Variants in TUSC3 observed in about 807,000 individuals in gnomAD.
TUSC3 encodes the protein tumor suppressor candidate 3, also known as dolichyl-diphosphooligosaccharide--protein glycosyltransferase subunit TUSC3.
TUSC3 carries 45 observed loss-of-function variants against 44.8 expected under a neutral mutation model. The observed-to-expected ratio is 1.00, with a 90% CI of 0.79 to 1.29. TUSC3 has a LOEUF of 1.29. TUSC3 is among the 50% of genes most tolerant of loss of function. The probability of loss-of-function intolerance (pLI) is 0.00; values close to 1 mark genes in which losing one functional copy is unlikely to be tolerated. For synonymous variants in TUSC3, 212 were observed against 152.9 expected (o/e 1.39, Z -2.85); for missense variants, 519 against 437.9 (o/e 1.19, Z -1.65).
At chr8:15,472,839 A>G (rs973216667) in intron 1 of TUSC3, among the ~76,000 whole-genome samples, 3 of 152,236 alleles carry the variant, frequency 2.0e-5, no homozygotes, top group African/African-American at 7.2e-5. Context: ...CTTTGTGGAC[A>G]TAAAGAGAAT....
chr8:15,669,145 A>C (rs1807818083), intron 5 of TUSC3, among the ~76,000 whole-genome samples: 1 of 151,784 alleles, frequency 6.6e-6, no homozygotes, highest in Non-Finnish European at 1.5e-5. Flanking sequence ...ATAACACATC[A>C]CTATTAAGGT....
intron 1 of TUSC3, among the ~76,000 whole-genome samples, chr8:15,622,198 C>T (rs961727439): frequency 2.6e-5 from 4 of 152,108 alleles, no homozygotes; most frequent in Non-Finnish European, 5.9e-5. Flanking sequence ...CAGGCAGTTT[C>T]TTTGTCTTGT....
At chr8:15,610,748 A>G (rs1804727293) in intron 1 of TUSC3, among the ~76,000 whole-genome samples, 2 of 152,162 alleles carry the variant, frequency 1.3e-5, no homozygotes, top group Admixed American at 6.6e-5. Context: ...TTAGAGCGTA[A>G]AAGTTTTACA....
intron 8 of TUSC3, among the ~76,000 whole-genome samples, chr8:15,747,988 C>T (rs1184844459): frequency 6.6e-6 from 1 of 152,008 alleles, no homozygotes; most frequent in East Asian, 1.9e-4. Context: ...CTAATATAGC[C>T]AATGCTTCAT....
At chr8:15,555,668 G>A (rs2129138140) in intron 1 of TUSC3, among the ~76,000 whole-genome samples, 1 of 151,618 alleles carries the variant, frequency 6.6e-6, no homozygotes, top group African/African-American at 2.4e-5. Flanking sequence ...ATTTCCTGAT[G>A]TTTTGATATT....
At chr8:15,769,032 C>T (rs187742125), downstream of TUSC3, among the ~76,000 whole-genome samples, 24 of 152,236 alleles carry the variant, frequency 1.6e-4, no homozygotes, top group African/African-American at 5.1e-4. Flanking sequence ...TGCTATCCAT[C>T]AACCTGCCAT....
At chr8:15,783,139 A>G in the TUSC3 span, among the ~76,000 whole-genome samples, 2 of 152,184 alleles carry the variant, frequency 1.3e-5, no homozygotes, top group Non-Finnish European at 2.9e-5. Context: ...TTAGGAGTAA[A>G]TTTAACCAAT....
chr8:15,556,522 A>C (rs916998738), intron 1 of TUSC3, among the ~76,000 whole-genome samples: 19 of 150,748 alleles, frequency 1.3e-4, no homozygotes, highest in Non-Finnish European at 2.8e-4. Flanking sequence ...TATACCCAGT[A>C]ATGGGATGGC....
the TUSC3 span, among the ~76,000 whole-genome samples, chr8:15,827,669 C>T: frequency 6.6e-6 from 1 of 152,108 alleles, no homozygotes; most frequent in Non-Finnish European, 1.5e-5. Flanking sequence ...GATCTTTGGA[C>T]ACAGATGTTT....
At chr8:15,569,626 G>A (rs1802797916) in intron 1 of TUSC3, among the ~76,000 whole-genome samples, 1 of 152,194 alleles carries the variant, frequency 6.6e-6, no homozygotes, top group Non-Finnish European at 1.5e-5. Flanking sequence ...TAATTTTGCT[G>A]AGATGACAGG....
chr8:15,546,617 C>G (rs1298033852), intron 1 of TUSC3, among the ~76,000 whole-genome samples: 1 of 151,564 alleles, frequency 6.6e-6, no homozygotes. Flanking sequence ...CTCACTGCAA[C>G]CTCTGCCTCC....
the TUSC3 span, among the ~76,000 whole-genome samples, chr8:15,803,227 A>C: frequency 6.6e-6 from 1 of 152,156 alleles, no homozygotes; most frequent in Non-Finnish European, 1.5e-5. Context: ...CTTTCCGGCA[A>C]TGCAATTTTG....
chr8:15,734,777 G>A lies in TUSC3; in HGVS notation c.862+4048G>A, dbSNP rs117408048. On this transcript the variant is annotated intron_variant, in intron 7 of 10. Coordinates refer to ENST00000503731, the MANE Select transcript of TUSC3 (RefSeq NM_006765.4). The stretch of plus-strand genomic sequence containing the variant: ...AAAAGTTTCAGAGACAGAGAAATGG[G>A]TAAGGAGGCTATATTGGTAGAAGAT... 1.4e-3 allele frequency among the ~76,000 whole-genome samples: 208 copies of A among 152,294 alleles called. 4 individuals carry two copies. The East Asian group carries it at 0.037, about 27-fold the overall frequency.
intron 1 of TUSC3, among the ~76,000 whole-genome samples, chr8:15,571,079 G>C (rs1177338057): frequency 2.0e-5 from 3 of 149,814 alleles, no homozygotes; most frequent in Non-Finnish European, 4.4e-5. Flanking sequence ...GCCCCAGCCA[G>C]AGTAGCTGGG....
chr8:15,683,633 A>G (rs1213600358), intron 6 of TUSC3, among the ~76,000 whole-genome samples: 1 of 151,898 alleles, frequency 6.6e-6, no homozygotes, highest in Non-Finnish European at 1.5e-5. Context: ...TTATATCTTT[A>G]ATTTCAGACA....
intron 1 of TUSC3, among the ~76,000 whole-genome samples, chr8:15,471,911 C>A (rs1016526458): frequency 1.3e-5 from 2 of 152,140 alleles, no homozygotes; most frequent in Non-Finnish European, 2.9e-5. Context: ...AGCTGCCACA[C>A]CTGGCCCCCA....
chr8:15,529,848 A>T (rs1246160429), intron 2 of TUSC3, among the ~76,000 whole-genome samples: 5 of 98,652 alleles, frequency 5.1e-5, no homozygotes, highest in Non-Finnish European at 9.1e-5. Flanking sequence ...CGGACTGCGG[A>T]CTGCAATGGC....
rs761728491 is a variant in TUSC3 at position 15,757,862 on chromosome 8, CTT to C, written c.*46+10_*46+11del. On this transcript the variant is annotated splice_region_variant and intron_variant, in intron 10 of 10. Transcript: ENST00000503731. ...AAAAACTCTATAACCTCAGGCAAGTCTTTTAATCTTCTCTGAGCCTCAGTTTT... is the reference window on the plus strand; with the variant it reads ...AAAAACTCTATAACCTCAGGCAAGTCTTAATCTTCTCTGAGCCTCAGTTTT... 7.3e-7 allele frequency: 1 copy of C among 1,373,478 alleles called. No homozygotes were observed. 85.1% of individuals were successfully genotyped at this position (1,373,478 alleles called of 1,614,324 possible). A position where few individuals can be genotyped will look rare whatever the true frequency, so the allele number is the denominator to read the frequency against.
chr8:15,799,456 A>C, the TUSC3 span, among the ~76,000 whole-genome samples: 1 of 152,158 alleles, frequency 6.6e-6, no homozygotes, highest in Non-Finnish European at 1.5e-5. Context: ...CAGTTTCTCA[A>C]GGAAGTTCCT....
Sources: gnomAD v4.1 joint callset for allele counts (sites outside exome capture counted in the v4.1 genomes callset) on GRCh38, gnomAD v4.1.1 for gene constraint, MANE v1.5 for transcripts, NCBI Gene and HGNC (gene_info 2026-07-23, HGNC 2026-07-21) for gene names.